USP12: variants seen among roughly 807,000 people sequenced by gnomAD.
USP12 encodes the protein ubiquitin carboxyl-terminal hydrolase 12.
A neutral mutation model predicts 45.5 loss-of-function variants in USP12; 19 were observed. That is an observed-to-expected ratio of 0.42 (90% CI 0.29 to 0.61). USP12 has a LOEUF of 0.61. Among genes scored for constraint, USP12 ranks in the 20% least tolerant of loss-of-function variants. USP12 has a pLI of 0.22. For synonymous variants in USP12, 149 were observed against 148.8 expected, an observed-to-expected ratio of 1.00 and a Z score of -0.01; for missense variants, 242 against 447.7, an observed-to-expected ratio of 0.54 and a Z score of 4.15.
intron 1 of USP12, among the ~76,000 whole-genome samples, chr13:27,166,504 C>T (rs1168511870): frequency 2.0e-5 from 3 of 152,168 alleles, no homozygotes; most frequent in South Asian, 2.1e-4. Flanking sequence ...GACATCATCT[C>T]GCTGCAACTG....
At chr13:27,148,917 G>A (rs1877443990) in intron 1 of USP12, among the ~76,000 whole-genome samples, 1 of 151,624 alleles carries the variant, frequency 6.6e-6, no homozygotes, top group Admixed American at 6.6e-5. Flanking sequence ...AGATACAATG[G>A]CTCATGTCTG....
At chr13:27,138,132 CAG>C (rs1876891935) in intron 1 of USP12, among the ~76,000 whole-genome samples, 1 of 152,250 alleles carries the variant, frequency 6.6e-6, no homozygotes, top group Non-Finnish European at 1.5e-5. Context: ...TTACCTACAA[CAG>C]AAACTGTTAT....
intron 1 of USP12, among the ~76,000 whole-genome samples, chr13:27,157,867 CA>C (rs751747370): frequency 7.2e-5 from 11 of 152,172 alleles, no homozygotes; most frequent in South Asian, 2.1e-4. Flanking sequence ...AAGTTTGTAT[CA>C]GTTTACATTA....
chr13:27,149,968 T>C (rs532317375), intron 1 of USP12, among the ~76,000 whole-genome samples: 2 of 152,370 alleles, frequency 1.3e-5, no homozygotes, highest in East Asian at 1.9e-4. Context: ...CACCTTCTGC[T>C]GTACAGCCCG....
At chr13:27,115,674 T>C (rs1374588879) in intron 2 of USP12, among the ~76,000 whole-genome samples, 2 of 152,172 alleles carry the variant, frequency 1.3e-5, no homozygotes, top group African/African-American at 4.8e-5. Context: ...CAGGTAAAAC[T>C]TCTCAAATTT....
intron 6 of USP12, among the ~76,000 whole-genome samples, chr13:27,086,600 A>T (rs756764994): frequency 2.8e-4 from 42 of 152,276 alleles, no homozygotes; most frequent in Non-Finnish European, 5.7e-4. Flanking sequence ...TTTAAAACAA[A>T]GAGCTCGATT....
At chr13:27,163,774 A>AAG (rs1176257664) in intron 1 of USP12, among the ~76,000 whole-genome samples, 2 of 108,722 alleles carry the variant, frequency 1.8e-5, no homozygotes, top group African/African-American at 5.6e-5. Flanking sequence ...GTCTTAAAAA[A>AAG]AAAAAAAAAA....
At chr13:27,111,990 T>C (rs76204568) in intron 2 of USP12, among the ~76,000 whole-genome samples, 71 of 152,320 alleles carry the variant, frequency 4.7e-4, no homozygotes, top group African/African-American at 1.7e-3. Context: ...TTTTAAATCA[T>C]GGTATCCAAT....
chr13:27,106,878 AT>A (rs1199560409), intron 2 of USP12, among the ~76,000 whole-genome samples: 1 of 152,218 alleles, frequency 6.6e-6, no homozygotes, highest in Non-Finnish European at 1.5e-5. Context: ...AATGTCTAAA[AT>A]TAAAAACAAA....
chr13:27,163,795 A>G (rs1416324065), intron 1 of USP12, among the ~76,000 whole-genome samples: 1 of 151,396 alleles, frequency 6.6e-6, no homozygotes, highest in Non-Finnish European at 1.5e-5. Context: ...AGAAAAAAAA[A>G]AAAGAAAAGA....
At chr13:27,134,995 T>C (rs2137814441) in intron 1 of USP12, among the ~76,000 whole-genome samples, 1 of 152,254 alleles carries the variant, frequency 6.6e-6, no homozygotes, top group South Asian at 2.1e-4. Context: ...AAATATATCC[T>C]AAAACAAGGC....
chr13:27,091,916 C>T (rs1874335963), intron 4 of USP12, among the ~76,000 whole-genome samples: 1 of 152,182 alleles, frequency 6.6e-6, no homozygotes, highest in Non-Finnish European at 1.5e-5. Context: ...TTTACCTGTC[C>T]AAATCCTTCC....
intron 1 of USP12, among the ~76,000 whole-genome samples, chr13:27,167,262 C>T (rs1412471761): frequency 6.9e-6 from 1 of 144,266 alleles, no homozygotes; most frequent in Non-Finnish European, 1.5e-5. Context: ...AACTCCGTCT[C>T]AAAAAAAAAA....
intron 3 of USP12, among the ~76,000 whole-genome samples, chr13:27,102,042 T>A (rs540224670): frequency 6.6e-6 from 1 of 151,994 alleles, no homozygotes; most frequent in African/African-American, 2.4e-5. Context: ...AATGAATGAA[T>A]GGACAATAGG....
At chr13:27,153,544 C>G (rs1260334670) in intron 1 of USP12, among the ~76,000 whole-genome samples, 1 of 152,088 alleles carries the variant, frequency 6.6e-6, no homozygotes. Flanking sequence ...AAAAGCTGTG[C>G]TATCATCCAT....
At chr13:27,130,987 G>A (rs1876473177) in intron 1 of USP12, among the ~76,000 whole-genome samples, 1 of 152,232 alleles carries the variant, frequency 6.6e-6, no homozygotes, top group Admixed American at 6.5e-5. Flanking sequence ...GTTCATGAAA[G>A]TAAGGAAGGA....
In USP12 at chr13:27,089,696, T is replaced by G. The variant is rs1593178431; in HGVS notation, c.734+187A>C. 5.2e-6 allele frequency: 3 copies of G among 574,088 alleles called. No homozygotes were observed. The East Asian group carries it at 8.8e-5, about 17-fold the overall frequency. The allele number at this position is 574,088 out of a possible 1,614,324, so 35.6% of individuals were successfully genotyped here. ...TAGGAAATCACTTCAGGGTACACAG[T>G]TTTTGTAAAATAAACATTGAGTAGA... On this transcript the variant is annotated intron_variant, in intron 6 of 8. Transcript: ENST00000282344.
chr13:27,070,557 CTT>C (rs370430441), intron 8 of USP12, among the ~76,000 whole-genome samples: 21 of 137,114 alleles, frequency 1.5e-4, no homozygotes, highest in Admixed American at 1.5e-4. Flanking sequence ...TTGTTTTATT[CTT>C]TTTTTTTTTT....
At chr13:27,107,579 C>T (rs982577864) in intron 2 of USP12, among the ~76,000 whole-genome samples, 3 of 152,138 alleles carry the variant, frequency 2.0e-5, no homozygotes, top group South Asian at 2.1e-4. Context: ...TTTGTGTGTA[C>T]GTGTTTTCAA....
Sources: allele counts gnomAD v4.1 joint callset (sites outside exome capture counted in the v4.1 genomes callset), GRCh38; gene constraint gnomAD v4.1.1; transcripts MANE v1.5; gene names NCBI Gene and HGNC (gene_info 2026-07-23, HGNC 2026-07-21).